PTPN11: variants seen among roughly 807,000 people sequenced by gnomAD.
PTPN11 encodes tyrosine-protein phosphatase non-receptor type 11.
Under a neutral mutation model 78.8 loss-of-function variants are expected in PTPN11, and 6 were observed. The ratio of observed to expected loss-of-function variants is 0.08; its 90% CI spans 0.04 to 0.15. The LOEUF is 0.15. PTPN11 is among the 10% of genes least tolerant of loss of function. PTPN11 has a pLI of 1.00. For missense variants in PTPN11, 386 were observed against 744.8 expected, an observed-to-expected ratio of 0.52 and a Z score of 5.61; for synonymous variants, 221 against 263.5, an observed-to-expected ratio of 0.84 and a Z score of 1.56.
At chr12:112,422,260 A>G (rs1217103017) in intron 1 of PTPN11, among the ~76,000 whole-genome samples, 1 of 152,210 alleles carries the variant, frequency 6.6e-6, no homozygotes, top group Non-Finnish European at 1.5e-5. Flanking sequence ...ATATGCATCC[A>G]GTAATTAAAA....
Position 112,431,813 on chromosome 12 carries a change from G to T in PTPN11, c.14+12688G>T, listed in dbSNP as rs150770275. Among the ~76,000 whole-genome samples the T allele has an allele frequency of 9.1e-4, 139 of 152,218 alleles. 1 individual carries two copies. Among genetic ancestry groups the T allele is most frequent in the African/African-American group, 3.3e-3 (137 of 41,530 alleles). ...TTAATTTCCACCACACAACATTGCT[G>T]TGAATTAAGACAGTTTCTAAGCATG... On this transcript the variant is annotated intron_variant, in intron 1 of 15. Coordinates refer to ENST00000351677, the MANE Select transcript of PTPN11 (RefSeq NM_002834.5).
intron 12 of PTPN11, among the ~76,000 whole-genome samples, 160 bp downstream of exon 12, chr12:112,488,670 C>T (rs1165580119): frequency 6.6e-6 from 1 of 152,184 alleles, no homozygotes. Flanking sequence ...ACAGAAGTGA[C>T]ACTATTTGAG....
chr12:112,426,500 A>T (rs1387644629), intron 1 of PTPN11, among the ~76,000 whole-genome samples: 1 of 152,086 alleles, frequency 6.6e-6, no homozygotes. Flanking sequence ...CAGGTGATCT[A>T]CCTGCCTCAG....
At chr12:112,454,124 A>C (rs2038118966) in intron 4 of PTPN11, among the ~76,000 whole-genome samples, 1 of 151,848 alleles carries the variant, frequency 6.6e-6, no homozygotes. Context: ...CACACACCAC[A>C]TTTTTATTAT....
At chr12:112,499,943 TAAAA>T (rs529382859) in intron 13 of PTPN11, among the ~76,000 whole-genome samples, 5 of 117,278 alleles carry the variant, frequency 4.3e-5, no homozygotes, top group Admixed American at 9.0e-5. Flanking sequence ...CCCTGTCTCT[TAAAA>T]AAAAAAAAAA....
At chr12:112,483,630 G>A (rs1460278800) in intron 10 of PTPN11, among the ~76,000 whole-genome samples, 9 of 152,216 alleles carry the variant, frequency 5.9e-5, no homozygotes, top group Non-Finnish European at 1.3e-4. Context: ...ACCCTGTAGA[G>A]ACTGGAGGGG....
At chr12:112,466,694 A>G (rs893746575) in intron 6 of PTPN11, among the ~76,000 whole-genome samples, 6 of 152,242 alleles carry the variant, frequency 3.9e-5, no homozygotes, top group African/African-American at 1.2e-4. Context: ...TGGTAGGCCA[A>G]GAATTTAAAA....
chr12:112,458,311 C>T (rs957990048), intron 6 of PTPN11, among the ~76,000 whole-genome samples: 6 of 152,308 alleles, frequency 3.9e-5, no homozygotes, highest in East Asian at 1.9e-4. Context: ...TCTGGGCTCA[C>T]GCCATCCTCC....
At chr12:112,469,867 G>A (rs2038386777) in intron 6 of PTPN11, among the ~76,000 whole-genome samples, 1 of 152,096 alleles carries the variant, frequency 6.6e-6, no homozygotes, top group Non-Finnish European at 1.5e-5. Context: ...GAGGAGTTCA[G>A]TTTAAAGAAA....
chr12:112,505,031 C>G (rs2038916518), intron 15 of PTPN11, among the ~76,000 whole-genome samples: 1 of 152,220 alleles, frequency 6.6e-6, no homozygotes, highest in Admixed American at 6.5e-5. Flanking sequence ...AGCACTTATT[C>G]CAGAGAAATG....
intron 2 of PTPN11, 73 bp from the exon 3 acceptor site, chr12:112,450,245 A>C: frequency 7.3e-7 from 1 of 1,372,434 alleles, no homozygotes; most frequent in Non-Finnish European, 1.0e-6. Context: ...TCCGACGTGG[A>C]AGATGAGATC....
intron 1 of PTPN11, among the ~76,000 whole-genome samples, chr12:112,425,216 A>G (rs1368638213): frequency 1.3e-5 from 2 of 152,064 alleles, no homozygotes; most frequent in Non-Finnish European, 2.9e-5. Context: ...TGAGATGGCA[A>G]AATATTGGAG....
At chr12:112,487,122 TCTCTC>T (rs2038690045) in intron 11 of PTPN11, among the ~76,000 whole-genome samples, 1 of 140,280 alleles carries the variant, frequency 7.1e-6, no homozygotes, top group Non-Finnish European at 1.5e-5. Context: ...CTGTTCTCTC[TCTCTC>T]TCTCTCTTTT....
chr12:112,442,885 A>G (rs2037929739), intron 1 of PTPN11, among the ~76,000 whole-genome samples: 2 of 101,580 alleles, frequency 2.0e-5, no homozygotes, highest in South Asian at 6.0e-4. Context: ...TATAAATTAT[A>G]TATACACTAC....
chr12:112,444,826 C>G (rs1361608618), intron 1 of PTPN11, among the ~76,000 whole-genome samples: 1 of 152,130 alleles, frequency 6.6e-6, no homozygotes, highest in Admixed American at 6.6e-5. Flanking sequence ...TTCATAGCTC[C>G]TTGTTGGAAC....
intron 1 of PTPN11, among the ~76,000 whole-genome samples, chr12:112,445,041 ATGTGTGTGTGTGTGTATATATATATG>A (rs1416625802): frequency 4.0e-5 from 6 of 151,810 alleles, no homozygotes; most frequent in African/African-American, 1.2e-4. Flanking sequence ...GACCTAGGAA[ATGTGTGTGTGTGTGTATATATATATG>A]TGTGTGTGTG....
chr12:112,478,563 G>A (rs997780508), intron 9 of PTPN11, among the ~76,000 whole-genome samples: 4 of 152,076 alleles, frequency 2.6e-5, no homozygotes, highest in African/African-American at 9.7e-5. Context: ...CTTTTGCTAT[G>A]TCTCCAAGTT....
At chr12:112,433,449 C>A (rs1336132798) in intron 1 of PTPN11, among the ~76,000 whole-genome samples, 1 of 152,198 alleles carries the variant, frequency 6.6e-6, no homozygotes. Context: ...TTAAGCAATG[C>A]ATGACCGTAT....
Position 112,504,010 on chromosome 12 carries a change from A to G in PTPN11, c.1713-685A>G, listed in dbSNP as rs924599353. On this transcript the variant is annotated intron_variant, in intron 14 of 15. Coordinates refer to ENST00000351677, the MANE Select transcript of PTPN11 (RefSeq NM_002834.5). The surrounding 1 kb of genome is among the most constrained non-coding windows in gnomAD (Gnocchi z 4.7). Reference sequence around the variant, plus strand: ...CTCATCACTGCCTGCCTGCTCCTGTATTTTCCCTTCTTGGAGCTTTTGCCT... The same window carrying G: ...CTCATCACTGCCTGCCTGCTCCTGTGTTTTCCCTTCTTGGAGCTTTTGCCT... Among the ~76,000 whole-genome samples the G allele has an allele frequency of 1.3e-5, 2 of 151,948 alleles. No individual in the cohort carries two copies.
Sources: allele counts gnomAD v4.1 joint callset (sites outside exome capture counted in the v4.1 genomes callset), GRCh38; gene constraint gnomAD v4.1.1; non-coding constraint Gnocchi (gnomAD v3.1); transcripts MANE v1.5; gene names NCBI Gene and HGNC (gene_info 2026-07-23, HGNC 2026-07-21).